Variants in COL25A1 observed in about 807,000 individuals in gnomAD.
The protein encoded by COL25A1 is collagen type XXV alpha 1 chain, also known as collagen alpha-1(XXV) chain.
In COL25A1, 103 loss-of-function variants were observed where a neutral mutation model predicts 128.4. The ratio of observed to expected loss-of-function variants is 0.80; its 90% confidence interval spans 0.68 to 0.94. COL25A1 has a LOEUF of 0.94. Among genes scored for constraint, COL25A1 ranks in the 40% least tolerant of loss-of-function variants. The pLI, the probability that COL25A1 is intolerant of heterozygous loss-of-function variation, is 0.00. For missense variants in COL25A1, 745 were observed against 840.0 expected (o/e 0.89, Z 1.40); for synonymous variants, 279 against 277.2 (o/e 1.01, Z -0.06).
At chr4:109,120,020 TAAAAAAG>T (rs1394806807) in intron 3 of COL25A1, among the ~76,000 whole-genome samples, 2 of 151,920 alleles carry the variant, frequency 1.3e-5, no homozygotes, top group Non-Finnish European at 2.9e-5. Flanking sequence ...AGCACAAGGC[TAAAAAAG>T]AAAAATCACA....
At chr4:108,945,366 G>A (rs923224850) in intron 8 of COL25A1, among the ~76,000 whole-genome samples, 1 of 152,154 alleles carries the variant, frequency 6.6e-6, no homozygotes, top group African/African-American at 2.4e-5. Flanking sequence ...TACAGGTGTT[G>A]ACACCTATCT....
chr4:109,287,981 C>T (rs1488919420), intron 3 of COL25A1, among the ~76,000 whole-genome samples: 2 of 152,000 alleles, frequency 1.3e-5, no homozygotes, highest in East Asian at 3.9e-4. Context: ...ACAACACATG[C>T]ATGAGTAAGA....
At chr4:109,147,848 TC>T (rs1771101386) in intron 3 of COL25A1, among the ~76,000 whole-genome samples, 1 of 152,010 alleles carries the variant, frequency 6.6e-6, no homozygotes. Flanking sequence ...CTGGAGTATT[TC>T]TATTTACATA....
At chr4:108,856,993 T>G (rs1289692808) in intron 24 of COL25A1, among the ~76,000 whole-genome samples, 1 of 152,040 alleles carries the variant, frequency 6.6e-6, no homozygotes, top group Non-Finnish European at 1.5e-5. Flanking sequence ...ATGACTGAGC[T>G]AATAGAGGGG....
rs567369567 is a variant in COL25A1 at position 109,296,834 on chromosome 4, C to T, written c.367+3749G>A. Among the ~76,000 whole-genome samples the T allele has an allele frequency of 2.1e-3, 324 of 152,244 alleles. 1 individual carries two copies. The highest frequency in any genetic ancestry group is 7.4e-3 in the African/African-American group (308 of 41,558). On this transcript the variant is annotated intron_variant, in intron 3 of 37. Transcript: ENST00000399132. ...ACAGAAATCTTTGTAATCTACACAT[C>T]TTTTGGTTGGCTGCCTGGTTCCCAA... is the stretch of plus-strand genomic sequence containing the variant.
chr4:109,085,842 T>G (rs527949829), intron 3 of COL25A1, among the ~76,000 whole-genome samples: 43 of 152,316 alleles, frequency 2.8e-4, no homozygotes, highest in African/African-American at 9.4e-4. Flanking sequence ...TAAATATTTG[T>G]TAAAAGAATA....
At chr4:108,868,759 T>A (rs6815473) in intron 20 of COL25A1, among the ~76,000 whole-genome samples, 78,887 of 133,056 alleles carry the variant, frequency 0.59, 22,825 homozygotes, top group East Asian at 0.99. Context: ...AGGAAGAAAG[T>A]AAAAGGAAGG....
In COL25A1 at chr4:109,066,761, C is replaced by T. The variant is rs1762487392; in HGVS notation, c.368-16582G>A. The stretch of plus-strand genomic sequence containing the variant: ...CACTGCAGCCTCAAAATCCTGGGTT[C>T]AAGGGATCCTCCTGCCTCACTCTCC... On this transcript the variant is annotated intron_variant, in intron 3 of 37. Coordinates refer to ENST00000399132, the MANE Select transcript of COL25A1 (RefSeq NM_198721.4). 2.0e-5 allele frequency among the ~76,000 whole-genome samples: 3 copies of T among 152,110 alleles called. No homozygotes were observed. In the South Asian group the frequency reaches 6.2e-4, roughly 32 times the overall value.
rs1346764285 is a variant in COL25A1 at position 108,824,218 on chromosome 4, C to T, written c.1801G>A (p.Gly601Ser). 1 of 1,611,350 alleles carries T rather than the reference C, an allele frequency of 6.2e-7. No homozygotes were observed. Among genetic ancestry groups the T allele is most frequent in the Non-Finnish European group, 8.5e-7 (1 of 1,178,934 alleles). The change falls in exon 35 of 38, where the codon GGT becomes AGT. Residue 601 changes from glycine (G) to serine (S), a missense_variant. This residue lies in a region of COL25A1 where 387 missense variants were observed against 441.9 expected (regional missense o/e 0.88). Coordinates refer to ENST00000399132, the MANE Select transcript of COL25A1 (RefSeq NM_198721.4). ...AGATCACCCTTCTCACCCCGTGGAC[C>T]AGGGAAGCCCTGTAAGATAAAAAGC... The part of the protein sequence containing the change: ...DGEPGLDGFP[G>S]PRGEKGDLGE...
At chr4:108,869,426 C>T (rs1026262227) in intron 19 of COL25A1, among the ~76,000 whole-genome samples, 1 of 152,100 alleles carries the variant, frequency 6.6e-6, no homozygotes, top group Non-Finnish European at 1.5e-5. Flanking sequence ...GATGTGCAAA[C>T]CCCTGAATTT....
At chr4:109,134,184 A>G (rs1769485064) in intron 3 of COL25A1, among the ~76,000 whole-genome samples, 1 of 141,884 alleles carries the variant, frequency 7.0e-6, no homozygotes, top group Non-Finnish European at 1.5e-5. Flanking sequence ...CAGGGGCCAG[A>G]TTATAGGAGG....
chr4:109,072,973 T>C (rs1440470513), intron 3 of COL25A1, among the ~76,000 whole-genome samples: 3 of 152,174 alleles, frequency 2.0e-5, no homozygotes, highest in Non-Finnish European at 4.4e-5. Flanking sequence ...CTCCACTGTG[T>C]TCTGGGCTGG....
At chr4:108,900,170 C>T (rs896254014) in intron 14 of COL25A1, among the ~76,000 whole-genome samples, 3 of 152,146 alleles carry the variant, frequency 2.0e-5, no homozygotes, top group Non-Finnish European at 4.4e-5. Flanking sequence ...CAACACCCAT[C>T]CTGATGGTCG....
chr4:108,889,310 A>C (rs1741195287), intron 17 of COL25A1, 54 bp from the exon 18 acceptor site: 2 of 1,572,898 alleles, frequency 1.3e-6, no homozygotes, highest in African/African-American at 2.7e-5. Flanking sequence ...ATTTTCTAAA[A>C]CACTTAGACC....
chr4:108,990,285 CGAT>C (rs1446775945), intron 6 of COL25A1, among the ~76,000 whole-genome samples: 1 of 75,508 alleles, frequency 1.3e-5, no homozygotes, highest in African/African-American at 5.4e-5. Flanking sequence ...TCAAAAGAAT[CGAT>C]AAAAATATAT....
Position 108,941,293 on chromosome 4 carries a change from C to T in COL25A1, c.564+73G>A, listed in dbSNP as rs376614153. 467 of 1,231,372 alleles carry T rather than the reference C, an allele frequency of 3.8e-4. 4 individuals are homozygous for T. In the South Asian group the frequency reaches 5.5e-3, roughly 15 times the overall value. 76.3% of individuals were successfully genotyped at this position (1,231,372 alleles called of 1,614,324 possible). A position where few individuals can be genotyped will look rare whatever the true frequency, so the allele number is the denominator to read the frequency against. ...CACACCCCACCCATAAGAGATAAAT[C>T]GTAAAGCAATAGGTACACAGAGCAA... On this transcript the variant is annotated intron_variant, in intron 9 of 37. Transcript: ENST00000399132.
rs149058104 is a variant in COL25A1 at position 109,274,783 on chromosome 4, T to C, written c.367+25800A>G. Among the ~76,000 whole-genome samples the C allele has an allele frequency of 4.4e-3, 669 of 152,314 alleles. 5 individuals carry two copies. The highest frequency in any genetic ancestry group is 0.015 in the African/African-American group (636 of 41,574). ...AAGTTAAACTGGCACAATGGATATT[T>C]AATAGCCTGGTACGAAACATATGTC... On this transcript the variant is annotated intron_variant, in intron 3 of 37. Transcript: ENST00000399132.
intron 3 of COL25A1, among the ~76,000 whole-genome samples, chr4:109,122,349 G>C (rs1434936998): frequency 6.6e-6 from 1 of 152,032 alleles, no homozygotes; most frequent in Non-Finnish European, 1.5e-5. Context: ...GATGTTGATA[G>C]CACAGGAAGG....
At chr4:109,016,148 C>T (rs1424019956) in intron 5 of COL25A1, among the ~76,000 whole-genome samples, 1 of 152,226 alleles carries the variant, frequency 6.6e-6, no homozygotes, top group South Asian at 2.1e-4. Flanking sequence ...AGTGCCTGCT[C>T]CCACTCTCCG....
Sources: gnomAD v4.1 joint callset for allele counts (sites outside exome capture counted in the v4.1 genomes callset) on GRCh38, gnomAD v4.1.1 for gene constraint, gnomAD v4.1.1 regional missense constraint, MANE v1.5 for transcripts, NCBI Gene and HGNC (gene_info 2026-07-23, HGNC 2026-07-21) for gene names.